The following KALRN variants were observed in gnomAD, a reference collection of about 807,000 sequenced individuals.
KALRN encodes kalirin.
In KALRN, 70 loss-of-function variants were observed where a neutral mutation model predicts 353.7. That is an observed-to-expected ratio of 0.20 (90% CI 0.16 to 0.24). KALRN has a LOEUF of 0.24. Ranked by LOEUF, KALRN falls within the 10% of genes least tolerant of loss-of-function variation. KALRN has a pLI of 1.00. For missense variants in KALRN, 2,791 were observed against 3,756.7 expected (o/e 0.74, Z 6.72); for synonymous variants, 1,391 against 1,434.8 (o/e 0.97, Z 0.69).
chr3:124,574,053 A>T (rs1203374708), intron 34 of KALRN, among the ~76,000 whole-genome samples: 1 of 152,008 alleles, frequency 6.6e-6, no homozygotes, highest in African/African-American at 2.4e-5. Flanking sequence ...TGAGGGGACC[A>T]CTCTTTAATT....
At chr3:124,491,925 G>T (rs1456504431) in intron 31 of KALRN, among the ~76,000 whole-genome samples, 1 of 152,138 alleles carries the variant, frequency 6.6e-6, no homozygotes, top group Non-Finnish European at 1.5e-5. Flanking sequence ...ATTAGCATGG[G>T]GACCATGCTG....
Position 124,687,669 on chromosome 3 carries a change from T to A in KALRN, c.7378-6135T>A, listed in dbSNP as rs916719670. Among the ~76,000 whole-genome samples the A allele has an allele frequency of 4.6e-5, 7 of 151,810 alleles. 1 individual carries two copies. The Admixed American group carries it at 4.6e-4, about 10-fold the overall frequency. ...ACATTTTTTGGAAAACCATATGGAA[T>A]TTTTTTACAAAAATTGACCATGTGT... On this transcript the variant is annotated intron_variant, in intron 51 of 59. Coordinates refer to ENST00000682506, the MANE Select transcript of KALRN (RefSeq NM_001388419.1).
chr3:124,564,681 A>G (rs1280765059), intron 34 of KALRN, among the ~76,000 whole-genome samples: 2 of 152,218 alleles, frequency 1.3e-5, no homozygotes, highest in Non-Finnish European at 2.9e-5. Flanking sequence ...TCCTGCCTCA[A>G]AAAGTGTTTT....
intron 34 of KALRN, among the ~76,000 whole-genome samples, chr3:124,586,497 TGCCCGACTTTCACTCTC>T (rs1194249751): frequency 6.6e-6 from 1 of 152,180 alleles, no homozygotes; most frequent in African/African-American, 2.4e-5. Context: ...GTTGAGGAAT[TGCCCGACTTTCACTCTC>T]GCTGTGATGC....
chr3:124,256,221 A>G (rs535545593), intron 3 of KALRN, among the ~76,000 whole-genome samples: 2 of 152,318 alleles, frequency 1.3e-5, no homozygotes, highest in East Asian at 3.9e-4. Context: ...CCAAACTGTA[A>G]TGTAGGACAA....
intron 28 of KALRN, among the ~76,000 whole-genome samples, chr3:124,485,367 G>A (rs934509621): frequency 2.6e-5 from 4 of 152,186 alleles, no homozygotes; most frequent in Non-Finnish European, 5.9e-5. Flanking sequence ...CCTGTAAGGT[G>A]TAAGCCCCCT....
In KALRN at chr3:124,655,640, T is replaced by C. The variant is rs55750661; in HGVS notation, c.5835T>C (p.Tyr1945=). 3.2e-4 allele frequency: 522 copies of C among 1,614,086 alleles called. 1 individual carries two copies. The African/African-American group carries it at 4.1e-3, about 13-fold the overall frequency. ...LNELVQTEKD[Y]VKDLGIVVEG... ...AGCTGGTACAGACAGAGAAAGACTA[T>C]GTCAAGGATCTGGGCATTGTGGTGG... The change falls in exon 39 of 60, where the codon TAT becomes TAC. Residue 1945 remains tyrosine (Y), a synonymous_variant. Coordinates refer to ENST00000682506, the MANE Select transcript of KALRN (RefSeq NM_001388419.1).
intron 33 of KALRN, chr3:124,519,151 C>T: frequency 1.0e-6 from 1 of 985,490 alleles, no homozygotes; most frequent in Non-Finnish European, 1.2e-6. Context: ...TCAAAGACCA[C>T]CCTACCAGCC....
At chr3:124,175,481 A>G (rs1360874912) in intron 1 of KALRN, among the ~76,000 whole-genome samples, 16 of 151,610 alleles carry the variant, frequency 1.1e-4, no homozygotes, top group Admixed American at 1.1e-3. Context: ...CCGAGTGTCC[A>G]GGCCTGATCT....
At chr3:124,366,200 T>A (rs2084669068) in intron 10 of KALRN, among the ~76,000 whole-genome samples, 1 of 136,768 alleles carries the variant, frequency 7.3e-6, no homozygotes, top group African/African-American at 2.7e-5. Flanking sequence ...ATTGTATTTC[T>A]TTTTTTTTTT....
At chr3:124,431,230 G>T (rs542872560) in intron 16 of KALRN, among the ~76,000 whole-genome samples, 2 of 152,264 alleles carry the variant, frequency 1.3e-5, no homozygotes, top group Admixed American at 6.5e-5. Context: ...AGATACTATT[G>T]TCAGAGTCTG....
chr3:124,600,975 C>T (rs1412247837), intron 34 of KALRN, among the ~76,000 whole-genome samples: 1 of 152,154 alleles, frequency 6.6e-6, no homozygotes, highest in Non-Finnish European at 1.5e-5. Context: ...TGTGCTCATG[C>T]GTCATTTTCT....
At chr3:124,323,165 G>A (rs560801152) in intron 6 of KALRN, among the ~76,000 whole-genome samples, 2 of 152,144 alleles carry the variant, frequency 1.3e-5, no homozygotes, top group African/African-American at 2.4e-5. Flanking sequence ...TTTGCTTTTA[G>A]TTTTAATCTA....
At chr3:124,467,383 G>A (rs1037471160) in intron 25 of KALRN, among the ~76,000 whole-genome samples, 2 of 152,194 alleles carry the variant, frequency 1.3e-5, no homozygotes, top group African/African-American at 4.8e-5. Context: ...CTGCCCTCTG[G>A]GTTCTGAGAA....
At chr3:124,682,624 G>A (rs150215438) in intron 51 of KALRN, among the ~76,000 whole-genome samples, 5 of 152,198 alleles carry the variant, frequency 3.3e-5, no homozygotes, top group East Asian at 3.9e-4. Flanking sequence ...TTCCTTTAAG[G>A]GCAGTTTCCT....
chr3:124,430,822 C>G, intron 16 of KALRN, 47 bp downstream of exon 16: 1 of 1,585,032 alleles, frequency 6.3e-7, no homozygotes, highest in Non-Finnish European at 8.6e-7. Context: ...CCTTTCTGCT[C>G]TGTACCTCAG....
In KALRN at chr3:124,338,654, G is replaced by A. The variant is rs148130044; in HGVS notation, c.1647+4159G>A. Reference sequence around the variant, plus strand: ...AGATCTGTAGATGTCTATTAGGTCCGCTTGGTCCAGAGCTGAGTTCAAGTC... The same window carrying A: ...AGATCTGTAGATGTCTATTAGGTCCACTTGGTCCAGAGCTGAGTTCAAGTC... On this transcript the variant is annotated intron_variant, in intron 9 of 59. Coordinates refer to ENST00000682506, the MANE Select transcript of KALRN (RefSeq NM_001388419.1). Among the ~76,000 whole-genome samples the A allele has an allele frequency of 6.4e-3, 968 of 152,212 alleles. 16 individuals carry two copies. The highest frequency in any genetic ancestry group is 0.022 in the African/African-American group (911 of 41,548).
rs1329811065 is a variant in KALRN, at chr3:124,413,745, C to T, written c.2542+80C>T. The stretch of plus-strand genomic sequence containing the variant: ...ATCTAGCCTGCAAGGAGCAGTGCCA[C>T]ATCGTTTATTCATTTTATTCCTACA... On this transcript the variant is annotated intron_variant, in intron 14 of 59. Coordinates refer to ENST00000682506, the MANE Select transcript of KALRN (RefSeq NM_001388419.1). 3.5e-5 allele frequency: 37 copies of T among 1,070,982 alleles called. No individual in the cohort carries two copies. In the South Asian group the frequency reaches 5.0e-4, roughly 14 times the overall value. 66.3% of individuals were successfully genotyped at this position (1,070,982 alleles called of 1,614,324 possible).
At position 124,413,568 on chromosome 3, in the gene KALRN, C is replaced by G; in HGVS notation, c.2445C>G (p.Arg815=). The change falls in exon 14 of 60, where the codon CGC becomes CGG. Residue 815 remains arginine, a synonymous_variant. Coordinates refer to ENST00000682506, the MANE Select transcript of KALRN (RefSeq NM_001388419.1). The part of the protein sequence containing the change: ...DLTLAEQRLQ[R]HTERKLAMNN... ...CCCTGGCAGAACAGCGGCTGCAGCGCCACACAGAACGGAAGCTAGCCATGA... is the reference window on the plus strand; with the variant it reads ...CCCTGGCAGAACAGCGGCTGCAGCGGCACACAGAACGGAAGCTAGCCATGA... 6.2e-7 allele frequency: 1 copy of G among 1,614,080 alleles called. No homozygotes were observed. The highest frequency in any genetic ancestry group is 8.5e-7 in the Non-Finnish European group (1 of 1,180,012).
Sources: allele counts gnomAD v4.1 joint callset (sites outside exome capture counted in the v4.1 genomes callset), GRCh38; gene constraint gnomAD v4.1.1; transcripts MANE v1.5; gene names NCBI Gene and HGNC (gene_info 2026-07-23, HGNC 2026-07-21).